The following PPP1R21 variants were observed in gnomAD, a reference collection of about 807,000 sequenced individuals.
PPP1R21 encodes KLRAQ motif containing 1.
A neutral mutation model predicts 112.8 loss-of-function variants in PPP1R21; 85 were observed. The ratio of observed to expected loss-of-function variants is 0.75; its 90% CI spans 0.63 to 0.90. The LOEUF (loss-of-function observed/expected upper bound fraction) is 0.90. Ranked by LOEUF, PPP1R21 falls within the 40% of genes least tolerant of loss-of-function variation. The pLI, the probability that PPP1R21 is intolerant of heterozygous loss-of-function variation, is 0.00. For synonymous variants in PPP1R21, 381 were observed against 322.3 expected (o/e 1.18, Z -1.95); for missense variants, 1,199 against 901.5 (o/e 1.33, Z -4.23).
At chr2:48,478,908 C>A (rs1356600149) in intron 12 of PPP1R21, among the ~76,000 whole-genome samples, 2 of 152,230 alleles carry the variant, frequency 1.3e-5, no homozygotes, top group African/African-American at 4.8e-5. Flanking sequence ...TGTTTTAAGG[C>A]TTGCTTATCT....
At chr2:48,464,866 A>G (rs1269070808) in intron 7 of PPP1R21, 71 bp from the exon 8 acceptor site, 4 of 1,180,512 alleles carry the variant, frequency 3.4e-6, no homozygotes, top group East Asian at 5.2e-5. Flanking sequence ...AGCATTCATT[A>G]TTTTGCATTT....
chr2:48,495,633 G>T lies in PPP1R21; in HGVS notation c.1600-46G>T, dbSNP rs755557704. 3 of 1,017,302 alleles carry T rather than the reference G, an allele frequency of 2.9e-6. No individual in the cohort carries two copies. In the Admixed American group the frequency reaches 5.2e-5, roughly 17 times the overall value. The allele number at this position is 1,017,302 out of a possible 1,614,324, so 63.0% of individuals were successfully genotyped here. A position where few individuals can be genotyped will look rare whatever the true frequency, so the allele number is the denominator to read the frequency against. ...TGTGTATGTTGGATGCAGGGGAGGGGTGATACAATATTTTTTCTTTAATTC... is the reference window on the plus strand; with the variant it reads ...TGTGTATGTTGGATGCAGGGGAGGGTTGATACAATATTTTTTCTTTAATTC... On this transcript the variant is annotated intron_variant, in intron 15 of 21. Coordinates refer to ENST00000294952, the MANE Select transcript of PPP1R21 (RefSeq NM_001135629.3).
chr2:48,493,367 GTTAATT>G (rs1023130268), intron 15 of PPP1R21, among the ~76,000 whole-genome samples: 16 of 152,246 alleles, frequency 1.1e-4, no homozygotes, highest in African/African-American at 3.9e-4. Flanking sequence ...TATTAAGAAT[GTTAATT>G]TTGTGTTTAT....
In PPP1R21 at chr2:48,469,458, TATATATAGAGC is replaced by T. The variant is rs1250280463; in HGVS notation, c.898-1621_898-1611del. On this transcript the variant is annotated intron_variant, in intron 9 of 21. Transcript: ENST00000294952. ...TATATATATATAGAGAGAGCATATA[TATATATAGAGC>T]ATATATATATATATAGAGCATATAT... Among the ~76,000 whole-genome samples the T allele has an allele frequency of 1.5e-3, 62 of 41,078 alleles. 5 individuals are homozygous for T. Among genetic ancestry groups the T allele is most frequent in the South Asian group, 2.8e-3 (3 of 1,058 alleles). 26.9% of individuals were successfully genotyped at this position (41,078 alleles called of 152,430 possible). A position where few individuals can be genotyped will look rare whatever the true frequency, so the allele number is the denominator to read the frequency against.
intron 3 of PPP1R21, among the ~76,000 whole-genome samples, chr2:48,457,110 A>T (rs1434518917): frequency 6.6e-6 from 1 of 152,102 alleles, no homozygotes; most frequent in African/African-American, 2.4e-5. Flanking sequence ...GAGAATAGTC[A>T]TCTGAACTTC....
chr2:48,487,439 A>G (rs1247335621), intron 14 of PPP1R21, among the ~76,000 whole-genome samples: 2 of 152,114 alleles, frequency 1.3e-5, no homozygotes, highest in Non-Finnish European at 2.9e-5. Context: ...AATTTTCACT[A>G]TAAACTAACT....
Position 48,507,297 on chromosome 2 carries a change from T to TAATTAAA in PPP1R21, c.2001_2007dup (p.His670Ter). 1 of 1,576,334 alleles carries TAATTAAA rather than the reference T, an allele frequency of 6.3e-7. No individual in the cohort carries two copies. Among genetic ancestry groups the TAATTAAA allele is most frequent in the South Asian group, 1.2e-5 (1 of 83,862 alleles). ...CCAGATGTGGAATCTCGTGAAGACT[T>TAATTAAA]AATTAAAAATCACTACATGGCAAGG... is the stretch of plus-strand genomic sequence containing the variant. On this transcript the variant is annotated frameshift_variant, in exon 19 of 22. Coordinates refer to ENST00000294952, the MANE Select transcript of PPP1R21 (RefSeq NM_001135629.3). LOFTEE classifies it high-confidence loss of function.
intron 20 of PPP1R21, among the ~76,000 whole-genome samples, chr2:48,510,551 A>G (rs1322129961): frequency 6.6e-6 from 1 of 152,258 alleles, no homozygotes; most frequent in Admixed American, 6.5e-5. Flanking sequence ...GCCTCTGCTA[A>G]TAAAAACATG....
At chr2:48,448,718 T>C (rs1667353874) in intron 1 of PPP1R21, among the ~76,000 whole-genome samples, 1 of 152,246 alleles carries the variant, frequency 6.6e-6, no homozygotes, top group South Asian at 2.1e-4. Flanking sequence ...ACTATGTTGA[T>C]ATTTGCTTAA....
intron 14 of PPP1R21, among the ~76,000 whole-genome samples, chr2:48,489,932 C>G (rs759008130): frequency 6.6e-6 from 1 of 152,126 alleles, no homozygotes; most frequent in Admixed American, 6.5e-5. Flanking sequence ...GTAATCCCAG[C>G]TACTGGGACA....
rs564137275 is a variant in PPP1R21 at position 48,440,849 on chromosome 2, C to A, written c.-105C>A. 9.0e-6 allele frequency: 7 copies of A among 778,004 alleles called. No homozygotes were observed. The highest frequency in any genetic ancestry group is 1.5e-5 in the Non-Finnish European group (7 of 481,186). The allele number at this position is 778,004 out of a possible 1,614,324, so 48.2% of individuals were successfully genotyped here. A position where few individuals can be genotyped will look rare whatever the true frequency, so the allele number is the denominator to read the frequency against. On this transcript the variant is annotated 5_prime_UTR_variant, in exon 1 of 22. Transcript: ENST00000294952. ...GGCGGCGGCGGCTGCGGTGGCCAAG[C>A]AGGCAGATACTGCCTGACCCGTTCC...
intron 1 of PPP1R21, among the ~76,000 whole-genome samples, chr2:48,446,728 G>A (rs376695712): frequency 6.6e-6 from 1 of 152,114 alleles, no homozygotes; most frequent in South Asian, 2.1e-4. Flanking sequence ...ACAGTTTAAG[G>A]TGGCAGGTGG....
intron 14 of PPP1R21, 49 bp downstream of exon 14, chr2:48,486,807 T>C (rs776051493): frequency 6.4e-7 from 1 of 1,562,930 alleles, no homozygotes; most frequent in Non-Finnish European, 8.7e-7. Context: ...AAATATGTGC[T>C]TTTTTTCTGA....
chr2:48,499,634 A>G (rs1243525347), intron 17 of PPP1R21, among the ~76,000 whole-genome samples: 1 of 152,236 alleles, frequency 6.6e-6, no homozygotes, highest in African/African-American at 2.4e-5. Flanking sequence ...CCAATTTTCT[A>G]TGATCTATTC....
chr2:48,503,835 C>G (rs1456702129), intron 17 of PPP1R21, among the ~76,000 whole-genome samples: 1 of 151,624 alleles, frequency 6.6e-6, no homozygotes, highest in Non-Finnish European at 1.5e-5. Flanking sequence ...CACCTGTAAT[C>G]CCATCTACTC....
intron 12 of PPP1R21, among the ~76,000 whole-genome samples, chr2:48,477,275 C>T (rs567982208): frequency 6.6e-4 from 101 of 151,978 alleles, no homozygotes; most frequent in Middle Eastern, 6.8e-3. Context: ...TGCGCCACTG[C>T]ACTTGGCTAA....
chr2:48,471,487 T>A, intron 11 of PPP1R21, 120 bp downstream of exon 11: 2 of 966,154 alleles, frequency 2.1e-6, no homozygotes, highest in Non-Finnish European at 3.0e-6. Context: ...GCTTCACAGT[T>A]AATTTGGACT....
At chr2:48,512,099 G>T (rs1572903982) in intron 21 of PPP1R21, among the ~76,000 whole-genome samples, 2 of 152,160 alleles carry the variant, frequency 1.3e-5, no homozygotes, top group South Asian at 4.1e-4. Flanking sequence ...CTTTGTTTAT[G>T]TAAGACCTAA....
At chr2:48,460,072 T>A in intron 5 of PPP1R21, 23 bp from the exon 6 acceptor site, 1 of 1,613,912 alleles carries the variant, frequency 6.2e-7, no homozygotes, top group African/African-American at 1.3e-5. Context: ...GCCATCTGTG[T>A]TTCTTTTTCT....
Sources: allele counts gnomAD v4.1 joint callset (sites outside exome capture counted in the v4.1 genomes callset), GRCh38; gene constraint gnomAD v4.1.1; transcripts MANE v1.5; gene names NCBI Gene and HGNC (gene_info 2026-07-23, HGNC 2026-07-21).